The following SERPINB10 variants were observed in gnomAD, a reference collection of about 807,000 sequenced individuals.
SERPINB10 encodes serpin family B member 10.
In SERPINB10, 35 loss-of-function variants were observed where a neutral mutation model predicts 39.1. The ratio of observed to expected loss-of-function variants is 0.90; its 90% CI spans 0.68 to 1.19. The LOEUF is 1.19. SERPINB10 is among the 50% of genes most tolerant of loss of function. SERPINB10 has a pLI of 0.00. For missense variants in SERPINB10, 546 were observed against 460.5 expected (o/e 1.19, Z -1.70); for synonymous variants, 190 against 158.1 (o/e 1.20, Z -1.52).
At chr18:63,910,625 G>T (rs2050057246) in intron 1 of SERPINB10, among the ~76,000 whole-genome samples, 1 of 152,004 alleles carries the variant, frequency 6.6e-6, no homozygotes, top group South Asian at 2.1e-4. Flanking sequence ...CAAGAGACAT[G>T]ATTTAATTCC....
intron 7 of SERPINB10, 69 bp downstream of exon 7, chr18:63,933,272 A>G (rs936797904): frequency 6.5e-7 from 1 of 1,539,484 alleles, no homozygotes; most frequent in African/African-American, 1.4e-5. Flanking sequence ...CTGCTTGGCC[A>G]AGGTTTCTCC....
chr18:63,933,107 A>G lies in SERPINB10; in HGVS notation c.693A>G (p.Ile231Met). 2 of 1,614,086 alleles carry G rather than the reference A, an allele frequency of 1.2e-6. No homozygotes were observed. Among genetic ancestry groups the G allele is most frequent in the Non-Finnish European group, 1.7e-6 (2 of 1,179,942 alleles). The change falls in exon 7 of 8, where the codon ATA becomes ATG. Residue 231 changes from isoleucine to methionine, a missense_variant. Physicochemically the swap from Ile to Met is conservative, Grantham distance 10. Transcript: ENST00000238508. ...AGAAAAAGCTTCACATTTTTCACAT[A>G]GAAAAGCCAAAAGCAGTGGGCCTTC... ...FMKKKLHIFH[I>M]EKPKAVGLQL...
intron 5 of SERPINB10, among the ~76,000 whole-genome samples, chr18:63,923,428 C>A (rs1377166501): frequency 6.6e-6 from 1 of 151,880 alleles, no homozygotes; most frequent in Non-Finnish European, 1.5e-5. Context: ...AAAGATACTT[C>A]TTTCCTTGAG....
chr18:63,930,989 G>C (rs2050218060), intron 6 of SERPINB10, among the ~76,000 whole-genome samples: 1 of 152,200 alleles, frequency 6.6e-6, no homozygotes, highest in Non-Finnish European at 1.5e-5. Context: ...TTCTCAATCA[G>C]TGGGGTGAGG....
At chr18:63,911,473 G>A (rs2050063866) in intron 1 of SERPINB10, among the ~76,000 whole-genome samples, 1 of 151,738 alleles carries the variant, frequency 6.6e-6, no homozygotes, top group Admixed American at 6.6e-5. Flanking sequence ...GAAAAGTAGG[G>A]TCTACTTTCA....
In SERPINB10 at chr18:63,920,399, TC is replaced by T. The variant is rs1223307925; in HGVS notation, c.490+495del. Among the ~76,000 whole-genome samples the T allele has an allele frequency of 2.6e-5, 4 of 152,080 alleles. No homozygotes were observed. In the East Asian group the frequency reaches 7.8e-4, roughly 30 times the overall value. Reference sequence around the variant, plus strand: ...AATAAGACACAAGTATGTCTTTCTCTCAAATAATAGTTCAAAGGTAGTTAGG... The same window carrying T: ...AATAAGACACAAGTATGTCTTTCTCTAAATAATAGTTCAAAGGTAGTTAGG... On this transcript the variant is annotated intron_variant, in intron 5 of 7. Transcript: ENST00000238508.
intron 5 of SERPINB10, among the ~76,000 whole-genome samples, chr18:63,922,841 G>C (rs1329259247): frequency 6.6e-6 from 1 of 151,944 alleles, no homozygotes; most frequent in Non-Finnish European, 1.5e-5. Context: ...TGTGGCTAAT[G>C]TGACTGAGGA....
chr18:63,917,331 C>T (rs1259795313), intron 2 of SERPINB10, 125 bp from the exon 3 acceptor site: 1 of 487,512 alleles, frequency 2.1e-6, no homozygotes, highest in South Asian at 4.9e-5. Context: ...AGTCAGAGCC[C>T]CTTTGTTTAA....
intron 1 of SERPINB10, among the ~76,000 whole-genome samples, chr18:63,908,712 G>A (rs1964197968): frequency 6.6e-6 from 1 of 151,992 alleles, no homozygotes; most frequent in South Asian, 2.1e-4. Flanking sequence ...GAGGTGCTGG[G>A]GATTGGGGAA....
chr18:63,914,175 T>C lies in SERPINB10; in HGVS notation c.-9-1327T>C, dbSNP rs142127373. 1.8e-3 allele frequency among the ~76,000 whole-genome samples: 276 copies of C among 152,194 alleles called. 1 individual carries two copies. Among genetic ancestry groups the C allele is most frequent in the African/African-American group, 5.8e-3 (243 of 41,560 alleles). The stretch of plus-strand genomic sequence containing the variant: ...TGGGTGTTATTACATGTGAAATGGG[T>C]CTCTTAAAGACAGCACATTAATGGG... On this transcript the variant is annotated intron_variant, in intron 1 of 7. Coordinates refer to ENST00000238508, the MANE Select transcript of SERPINB10 (RefSeq NM_005024.3).
Position 63,930,187 on chromosome 18 carries a change from G to T in SERPINB10, c.633G>T (p.Glu211Asp). 1 of 1,611,640 alleles carries T rather than the reference G, an allele frequency of 6.2e-7. No individual in the cohort carries two copies. The highest frequency in any genetic ancestry group is 8.5e-7 in the Non-Finnish European group (1 of 1,179,090). The change falls in exon 6 of 8, where the codon GAG (glutamate) becomes GAT (aspartate). Residue 211 changes from glutamate to aspartate, a missense_variant and splice_region_variant. Coordinates refer to ENST00000238508, the MANE Select transcript of SERPINB10 (RefSeq NM_005024.3). ...CAGAAAAGCCTTTTAGAATAAACGA[G>T]GTAGGAAATTTTTAAAGATCAGTTT... The part of the protein sequence containing the change: ...NTTEKPFRIN[E>D]TTSKPVQMMF...
At chr18:63,912,097 A>G (rs1358898179) in intron 1 of SERPINB10, among the ~76,000 whole-genome samples, 2 of 151,816 alleles carry the variant, frequency 1.3e-5, no homozygotes, top group African/African-American at 4.8e-5. Flanking sequence ...TGTTATTGGT[A>G]TATAGAAATG....
At chr18:63,917,559 GA>G in intron 3 of SERPINB10, 38 bp downstream of exon 3, 3 of 1,206,298 alleles carry the variant, frequency 2.5e-6, no homozygotes, top group Non-Finnish European at 3.4e-6. Context: ...CATAATTAAG[GA>G]AAAAGTACTT....
intron 1 of SERPINB10, among the ~76,000 whole-genome samples, chr18:63,913,029 T>C (rs1248602075): frequency 6.6e-6 from 1 of 151,874 alleles, no homozygotes; most frequent in African/African-American, 2.4e-5. Context: ...TTCAGGAATT[T>C]ATTCATTTTC....
At chr18:63,913,299 GT>G (rs1270232924) in intron 1 of SERPINB10, among the ~76,000 whole-genome samples, 1 of 151,358 alleles carries the variant, frequency 6.6e-6, no homozygotes, top group Non-Finnish European at 1.5e-5. Flanking sequence ...TTTTACTTAT[GT>G]TTTTTTCTTT....
chr18:63,931,657 C>T (rs563478536), intron 6 of SERPINB10, among the ~76,000 whole-genome samples: 75 of 152,152 alleles, frequency 4.9e-4, no homozygotes, highest in African/African-American at 1.6e-3. Context: ...AAGTATAGGG[C>T]TCTCATATGT....
At chr18:63,919,555 C>T (rs2050130928) in intron 4 of SERPINB10, among the ~76,000 whole-genome samples, 1 of 151,904 alleles carries the variant, frequency 6.6e-6, no homozygotes, top group Non-Finnish European at 1.5e-5. Flanking sequence ...ATGTGGGCAT[C>T]CGTACTTCCT....
chr18:63,930,667 G>C (rs1008473936), intron 6 of SERPINB10, among the ~76,000 whole-genome samples: 1 of 152,132 alleles, frequency 6.6e-6, no homozygotes, highest in African/African-American at 2.4e-5. Flanking sequence ...AGTGTGGCTG[G>C]GCCTTGGGAC....
chr18:63,922,878 A>G (rs1191072196), intron 5 of SERPINB10, among the ~76,000 whole-genome samples: 2 of 151,972 alleles, frequency 1.3e-5, no homozygotes, highest in Non-Finnish European at 2.9e-5. Flanking sequence ...ATTTCATTTC[A>G]ATTAATTTAA....
Sources: allele counts gnomAD v4.1 joint callset (sites outside exome capture counted in the v4.1 genomes callset), GRCh38; gene constraint gnomAD v4.1.1; transcripts MANE v1.5; gene names NCBI Gene and HGNC (gene_info 2026-07-23, HGNC 2026-07-21).